SEC63: variants seen among roughly 807,000 people sequenced by gnomAD.
SEC63 encodes translocation protein SEC63 homolog.
A neutral mutation model predicts 116.2 loss-of-function variants in SEC63; 56 were observed. The ratio of observed to expected loss-of-function variants is 0.48; its 90% CI spans 0.39 to 0.60. The LOEUF is 0.60. SEC63 is among the 20% of genes least tolerant of loss of function. SEC63 has a pLI of 0.00. For missense variants in SEC63, 668 were observed against 900.0 expected, an observed-to-expected ratio of 0.74 and a Z score of 3.30; for synonymous variants, 273 against 294.6, an observed-to-expected ratio of 0.93 and a Z score of 0.75.
At chr6:107,955,526 T>A (rs1292353157) in intron 1 of SEC63, among the ~76,000 whole-genome samples, 1 of 152,348 alleles carries the variant, frequency 6.6e-6, no homozygotes, top group Non-Finnish European at 1.5e-5. Flanking sequence ...TTACAAATAG[T>A]ATTAATTCCC....
chr6:107,909,065 G>T lies in SEC63; in HGVS notation c.625-30C>A, dbSNP rs551453195. ...AACACAAAAAAAATTAAACAAGAAA[G>T]AAAGTATAAAAACTACGATAGGCTG... On this transcript the variant is annotated intron_variant, in intron 7 of 20. Transcript: ENST00000369002. 249 of 1,496,580 alleles carry T rather than the reference G, an allele frequency of 1.7e-4. 6 individuals carry two copies. In the South Asian group the frequency reaches 2.7e-3, roughly 17 times the overall value. 92.7% of individuals were successfully genotyped at this position (1,496,580 alleles called of 1,614,324 possible). A position where few individuals can be genotyped will look rare whatever the true frequency, so the allele number is the denominator to read the frequency against.
chr6:107,868,692 C>A lies in SEC63; in HGVS notation c.*3012G>T, dbSNP rs2114379313. 1 of 151,784 alleles carries A rather than the reference C, an allele frequency of 6.6e-6. No homozygotes were observed. The highest frequency in any genetic ancestry group is 2.1e-4 in the South Asian group (1 of 4,818). 9.4% of individuals were successfully genotyped at this position (151,784 alleles called of 1,614,324 possible). On this transcript the variant is annotated 3_prime_UTR_variant, in exon 21 of 21. Transcript: ENST00000369002. ...TAGACTAAAAAAAAAAAAAGGCATT[C>A]CAAATAATAGCCAAGGCAAATGGAT...
intron 3 of SEC63, among the ~76,000 whole-genome samples, chr6:107,923,750 C>T (rs1049176883): frequency 6.6e-5 from 10 of 150,474 alleles, no homozygotes; most frequent in Admixed American, 2.0e-4. Flanking sequence ...AAACTCCTGA[C>T]CTCAAGCGAT....
At chr6:107,925,741 C>A (rs1019866938) in intron 2 of SEC63, among the ~76,000 whole-genome samples, 31 of 152,200 alleles carry the variant, frequency 2.0e-4, no homozygotes, top group African/African-American at 7.5e-4. Flanking sequence ...TTCTATCAAA[C>A]CATTTCACTT....
intron 4 of SEC63, 73 bp from the exon 5 acceptor site, chr6:107,913,500 C>T: frequency 9.8e-7 from 1 of 1,020,308 alleles, no homozygotes. Context: ...TAGACAAACT[C>T]CATTAGCCAA....
intron 1 of SEC63, among the ~76,000 whole-genome samples, chr6:107,956,360 A>G (rs1475626900): frequency 6.6e-6 from 1 of 152,192 alleles, no homozygotes; most frequent in Admixed American, 6.5e-5. Context: ...CTTGAAATAC[A>G]ACAACCACAA....
intron 4 of SEC63, among the ~76,000 whole-genome samples, chr6:107,921,453 C>CA (rs1787553860): frequency 6.9e-6 from 1 of 145,418 alleles, no homozygotes; most frequent in Non-Finnish European, 1.5e-5. Context: ...GAAAACTATC[C>CA]TTTTTTTTTT....
At chr6:107,887,490 T>A (rs554676721) in intron 16 of SEC63, among the ~76,000 whole-genome samples, 1 of 147,548 alleles carries the variant, frequency 6.8e-6, no homozygotes, top group African/African-American at 2.5e-5. Context: ...CAGTAAACTA[T>A]TGCAAGAACA....
chr6:107,920,068 A>C (rs1787517671), intron 4 of SEC63, among the ~76,000 whole-genome samples: 1 of 152,174 alleles, frequency 6.6e-6, no homozygotes, highest in South Asian at 2.1e-4. Flanking sequence ...TCAAAGGCTC[A>C]GATTACTAGC....
At chr6:107,877,067 G>GTGTATATATATATATACACATATATACA (rs1297045170) in intron 18 of SEC63, 1 of 52,402 alleles carries the variant, frequency 1.9e-5, no homozygotes, top group African/African-American at 4.9e-4. Flanking sequence ...ATATATATGT[G>GTGTATATATATATATACACATATATACA]TGTGTATATA....
chr6:107,918,117 T>C (rs1387775741), intron 4 of SEC63, among the ~76,000 whole-genome samples: 1 of 152,178 alleles, frequency 6.6e-6, no homozygotes. Context: ...CCAAAAGTCC[T>C]AGAGCTCTTA....
intron 1 of SEC63, chr6:107,954,464 T>TAAAAAAAAAAAAAAATAAAAAAAAA (rs1770664460): frequency 1.6e-5 from 1 of 61,708 alleles, no homozygotes; most frequent in Non-Finnish European, 2.8e-5. Flanking sequence ...AATGATCAAT[T>TAAAAAAAAAAAAAAATAAAAAAAAA]AAAAAAAAAA....
At chr6:107,934,611 C>T (rs13196229) in intron 1 of SEC63, among the ~76,000 whole-genome samples, 6 of 148,648 alleles carry the variant, frequency 4.0e-5, no homozygotes, top group Admixed American at 6.6e-5. Flanking sequence ...CCACCCCGTC[C>T]GGGAGGGAGG....
chr6:107,899,033 C>G (rs1342335791), intron 13 of SEC63, among the ~76,000 whole-genome samples: 1 of 152,208 alleles, frequency 6.6e-6, no homozygotes, highest in African/African-American at 2.4e-5. Context: ...TATTCATCTA[C>G]ATTTTTCATT....
chr6:107,915,420 T>C (rs1787376493), intron 4 of SEC63, among the ~76,000 whole-genome samples: 1 of 152,180 alleles, frequency 6.6e-6, no homozygotes, highest in Admixed American at 6.5e-5. Flanking sequence ...ATGAGTTGGC[T>C]ATGCACAGTT....
At chr6:107,890,048 G>A (rs970756184) in intron 16 of SEC63, among the ~76,000 whole-genome samples, 2 of 152,220 alleles carry the variant, frequency 1.3e-5, no homozygotes, top group Admixed American at 6.5e-5. Context: ...TGAGAAGAAT[G>A]TGTATTCTGT....
intron 4 of SEC63, among the ~76,000 whole-genome samples, chr6:107,916,457 A>G (rs1427024992): frequency 6.6e-6 from 1 of 152,264 alleles, no homozygotes; most frequent in Non-Finnish European, 1.5e-5. Flanking sequence ...AAGTACAAAA[A>G]TAAGTAAGGT....
At chr6:107,902,639 T>C (rs550434070) in intron 12 of SEC63, among the ~76,000 whole-genome samples, 179 of 152,298 alleles carry the variant, frequency 1.2e-3, no homozygotes, top group Non-Finnish European at 2.0e-3. Flanking sequence ...ATAATAAAAC[T>C]ACTTACAGTA....
intron 1 of SEC63, among the ~76,000 whole-genome samples, chr6:107,956,583 G>A (rs1329033638): frequency 1.3e-5 from 2 of 152,160 alleles, no homozygotes; most frequent in Admixed American, 6.5e-5. Context: ...ATTAAGACTA[G>A]TAACTTTGGA....
Sources: allele counts gnomAD v4.1 joint callset (sites outside exome capture counted in the v4.1 genomes callset), GRCh38; gene constraint gnomAD v4.1.1; transcripts MANE v1.5; gene names NCBI Gene and HGNC (gene_info 2026-07-23, HGNC 2026-07-21).